Variants in GPHN observed in about 807,000 individuals in gnomAD.
The protein encoded by GPHN is gephyrin.
Under a neutral mutation model 95.5 loss-of-function variants are expected in GPHN, and 17 were observed. The ratio of observed to expected loss-of-function variants is 0.18; its 90% confidence interval spans 0.12 to 0.27. The LOEUF is 0.27. GPHN is among the 10% of genes least tolerant of loss of function. The probability of loss-of-function intolerance (pLI) is 1.00; values close to 1 mark genes in which losing one functional copy is unlikely to be tolerated. For synonymous variants in GPHN, 320 were observed against 322.5 expected (o/e 0.99, Z 0.08); for missense variants, 660 against 978.1 (o/e 0.67, Z 4.34).
intron 1 of GPHN, among the ~76,000 whole-genome samples, chr14:66,642,766 A>G (rs563624674): frequency 1.9e-4 from 29 of 152,170 alleles, no homozygotes; most frequent in African/African-American, 6.3e-4. Flanking sequence ...TTTAAGTATA[A>G]TGGAGAAAAG....
At chr14:66,553,757 A>T (rs1056750367) in intron 1 of GPHN, among the ~76,000 whole-genome samples, 29 of 151,976 alleles carry the variant, frequency 1.9e-4, no homozygotes, top group African/African-American at 6.5e-4. Flanking sequence ...TTGTAGTTTT[A>T]GTAGAGACGG....
chr14:67,573,086 C>T, the GPHN span, among the ~76,000 whole-genome samples: 344 of 152,322 alleles, frequency 2.3e-3, no homozygotes, highest in Non-Finnish European at 3.9e-3. The surrounding 1 kb of genome is among the most constrained non-coding windows in gnomAD (Gnocchi z 4.8). Context: ...CAGGACCACC[C>T]ATGTTTTATT....
At chr14:67,331,279 A>G in the GPHN span, among the ~76,000 whole-genome samples, 1 of 152,188 alleles carries the variant, frequency 6.6e-6, no homozygotes, top group Admixed American at 6.5e-5. Flanking sequence ...TCCCGGCCCC[A>G]TGTGATCCAC....
chr14:67,320,318 T>C, the GPHN span: 2 of 1,613,804 alleles, frequency 1.2e-6, no homozygotes, highest in Non-Finnish European at 1.7e-6. Context: ...TCTTGATTGG[T>C]CCACAGAACT....
the GPHN span, among the ~76,000 whole-genome samples, chr14:67,713,206 G>A: frequency 6.6e-6 from 1 of 151,490 alleles, no homozygotes; most frequent in Non-Finnish European, 1.5e-5. Flanking sequence ...TGGGTCTCAG[G>A]CTGAAAACAA....
the GPHN span, among the ~76,000 whole-genome samples, chr14:67,284,547 TAAAAAAAAAAAAAAAAAAAAAAAAAAA>T: frequency 3.4e-4 from 8 of 23,296 alleles, no homozygotes; most frequent in Admixed American, 1.0e-3. Flanking sequence ...GCTGCAGTGC[TAAAAAAAAAAAAAAAAAAAAAAAAAAA>T]AAAAAAAAAA....
At chr14:67,165,580 G>A (rs1184312161) in intron 20 of GPHN, among the ~76,000 whole-genome samples, 1 of 152,154 alleles carries the variant, frequency 6.6e-6, no homozygotes, top group Non-Finnish European at 1.5e-5. Flanking sequence ...GTTAGCAGCC[G>A]AATACCTCTC....
At chr14:67,212,631 A>T in the GPHN span, among the ~76,000 whole-genome samples, 1 of 146,146 alleles carries the variant, frequency 6.8e-6, no homozygotes, top group African/African-American at 2.5e-5. Context: ...TATATTATAT[A>T]TAATATATAT....
chr14:67,434,588 A>G, the GPHN span, among the ~76,000 whole-genome samples: 1 of 152,206 alleles, frequency 6.6e-6, no homozygotes, highest in Non-Finnish European at 1.5e-5. Flanking sequence ...TTCGAGAGCC[A>G]CTAGACTCTA....
At chr14:67,572,424 G>T in the GPHN span, 1 of 644,758 alleles carries the variant, frequency 1.6e-6, no homozygotes. Flanking sequence ...GGCTGGGGGG[G>T]TGTACAGTTA....
At chr14:67,549,119 G>A in the GPHN span, among the ~76,000 whole-genome samples, 7 of 152,312 alleles carry the variant, frequency 4.6e-5, no homozygotes, top group Non-Finnish European at 1.0e-4. Context: ...AGGATGAGTT[G>A]GAAGTATGTT....
At chr14:67,291,665 A>G in the GPHN span, among the ~76,000 whole-genome samples, 1 of 152,326 alleles carries the variant, frequency 6.6e-6, no homozygotes, top group South Asian at 2.1e-4. Context: ...GGCAGACACA[A>G]TGCACATACA....
At chr14:66,751,503 CTG>C (rs2058361075) in intron 2 of GPHN, among the ~76,000 whole-genome samples, 1 of 152,018 alleles carries the variant, frequency 6.6e-6, no homozygotes, top group South Asian at 2.1e-4. Flanking sequence ...TGAGAAGTGT[CTG>C]TTCATGTCGT....
chr14:66,886,415 G>A (rs1342171321), intron 5 of GPHN, among the ~76,000 whole-genome samples: 1 of 152,068 alleles, frequency 6.6e-6, no homozygotes, highest in Non-Finnish European at 1.5e-5. Flanking sequence ...CATATTGTAG[G>A]CTAGTAAATC....
At chr14:67,046,812 ACT>A (rs986681157) in intron 10 of GPHN, among the ~76,000 whole-genome samples, 1 of 152,152 alleles carries the variant, frequency 6.6e-6, no homozygotes, top group Non-Finnish European at 1.5e-5. Context: ...GAGCCTACAA[ACT>A]CTACCATTGC....
At chr14:67,256,493 C>A in the GPHN span, among the ~76,000 whole-genome samples, 5 of 152,260 alleles carry the variant, frequency 3.3e-5, no homozygotes, top group Admixed American at 3.3e-4. Context: ...AAAATTATTA[C>A]CATTTCAACT....
At chr14:67,062,962 T>A (rs548728388) in intron 11 of GPHN, among the ~76,000 whole-genome samples, 1 of 152,256 alleles carries the variant, frequency 6.6e-6, no homozygotes, top group Non-Finnish European at 1.5e-5. Context: ...TTGTTGCCAT[T>A]GCTTTTTGTG....
At chr14:67,558,992 T>C in the GPHN span, among the ~76,000 whole-genome samples, 1 of 152,238 alleles carries the variant, frequency 6.6e-6, no homozygotes, top group African/African-American at 2.4e-5. Flanking sequence ...CTGAAGGCCA[T>C]TGTTTGCCAC....
At chr14:67,024,554 G>A (rs994043125) in intron 10 of GPHN, among the ~76,000 whole-genome samples, 14 of 152,140 alleles carry the variant, frequency 9.2e-5, no homozygotes, top group Admixed American at 9.2e-4. Flanking sequence ...TTATACTCCT[G>A]GTTATGCTTT....
Sources: allele counts gnomAD v4.1 joint callset (sites outside exome capture counted in the v4.1 genomes callset), GRCh38; gene constraint gnomAD v4.1.1; non-coding constraint Gnocchi (gnomAD v3.1); transcripts MANE v1.5; gene names NCBI Gene and HGNC (gene_info 2026-07-23, HGNC 2026-07-21).